The following PTCHD4 variants were observed in gnomAD, a reference collection of about 807,000 sequenced individuals.
PTCHD4 encodes patched domain-containing protein 4.
In PTCHD4, 33 loss-of-function variants were observed where a neutral mutation model predicts 58.1. The observed-to-expected ratio is 0.57, with a 90% CI of 0.43 to 0.76. PTCHD4 has a LOEUF of 0.76. Ranked by LOEUF, PTCHD4 falls within the 30% of genes least tolerant of loss-of-function variation. PTCHD4 has a pLI of 0.00. For synonymous variants in PTCHD4, 478 were observed against 409.6 expected, an observed-to-expected ratio of 1.17 and a Z score of -2.02; for missense variants, 1,058 against 1,027.1, an observed-to-expected ratio of 1.03 and a Z score of -0.41.
At chr6:47,968,655 A>C (rs1199995486) in intron 4 of PTCHD4, among the ~76,000 whole-genome samples, 2 of 152,182 alleles carry the variant, frequency 1.3e-5, no homozygotes, top group Non-Finnish European at 2.9e-5. Context: ...CCTTTCAAAT[A>C]GTTTGAAAAC....
chr6:47,910,728 G>A (rs1455948503), intron 4 of PTCHD4, among the ~76,000 whole-genome samples: 1 of 150,746 alleles, frequency 6.6e-6, no homozygotes, highest in Non-Finnish European at 1.5e-5. Context: ...CAAGAGACGT[G>A]TAGTCTCTTC....
chr6:47,919,301 C>T (rs539258277), intron 4 of PTCHD4, among the ~76,000 whole-genome samples: 11 of 151,994 alleles, frequency 7.2e-5, no homozygotes, highest in Admixed American at 3.3e-4. Flanking sequence ...ATACCAGATC[C>T]CTGCTCTTAA....
intron 4 of PTCHD4, among the ~76,000 whole-genome samples, chr6:47,985,149 A>C (rs1412691174): frequency 6.6e-6 from 1 of 152,178 alleles, no homozygotes; most frequent in Non-Finnish European, 1.5e-5. Flanking sequence ...CTAACTTCTT[A>C]CTGACTCCTG....
Position 47,877,914 on chromosome 6 carries a change from T to C in PTCHD4, c.*389A>G, listed in dbSNP as rs1169471187. The C allele has an allele frequency of 6.1e-6, 1 of 163,002 alleles. No individual in the cohort carries two copies. 10.1% of individuals were successfully genotyped at this position (163,002 alleles called of 1,614,324 possible). On this transcript the variant is annotated 3_prime_UTR_variant, in exon 5 of 5. Coordinates refer to ENST00000339488, the MANE Select transcript of PTCHD4 (RefSeq NM_001384253.1). ...CAAAAAACAAGCATGAAAAGTGCCA[T>C]GGCACATTTCCCATGTCTTTCCCCC...
chr6:47,903,143 A>G (rs1764766187), intron 4 of PTCHD4, among the ~76,000 whole-genome samples: 1 of 152,206 alleles, frequency 6.6e-6, no homozygotes, highest in African/African-American at 2.4e-5. Context: ...TCTTAATTTG[A>G]GCACAAAGAT....
chr6:48,075,148 G>T (rs937540537), intron 1 of PTCHD4, among the ~76,000 whole-genome samples: 5 of 152,080 alleles, frequency 3.3e-5, no homozygotes, highest in Non-Finnish European at 7.4e-5. Flanking sequence ...ATTAATTGAT[G>T]ACCTAAAATT....
At chr6:47,961,444 A>T (rs2113968673) in intron 4 of PTCHD4, among the ~76,000 whole-genome samples, 1 of 151,928 alleles carries the variant, frequency 6.6e-6, no homozygotes, top group African/African-American at 2.4e-5. Flanking sequence ...GGTGCCCACT[A>T]CCCATGCCTG....
intron 4 of PTCHD4, among the ~76,000 whole-genome samples, chr6:47,974,114 T>C (rs1767609921): frequency 6.6e-6 from 1 of 152,098 alleles, no homozygotes; most frequent in African/African-American, 2.4e-5. Context: ...CGGGAATGAG[T>C]ACAAATAATG....
chr6:47,939,908 G>A (rs1041550162), intron 4 of PTCHD4, among the ~76,000 whole-genome samples: 2 of 151,908 alleles, frequency 1.3e-5, no homozygotes, highest in Non-Finnish European at 2.9e-5. Flanking sequence ...TTTACCTCTG[G>A]TTTGATGCTG....
intron 4 of PTCHD4, among the ~76,000 whole-genome samples, chr6:48,000,536 T>A (rs1333430721): frequency 6.6e-6 from 1 of 152,118 alleles, no homozygotes; most frequent in African/African-American, 2.4e-5. Context: ...TTTAATTCAG[T>A]CTCCAGTTTT....
intron 1 of PTCHD4, among the ~76,000 whole-genome samples, chr6:48,078,597 T>C (rs1290556300): frequency 1.3e-5 from 2 of 152,346 alleles, no homozygotes; most frequent in Non-Finnish European, 1.5e-5. Context: ...TTAAATCCAA[T>C]AGTAATATAA....
Position 48,014,802 on chromosome 6 carries a change from AGCTCAG to A in PTCHD4, c.418-5694_418-5689del, listed in dbSNP as rs542940585. 1.3e-3 allele frequency among the ~76,000 whole-genome samples: 198 copies of A among 152,226 alleles called. 3 individuals carry two copies. The South Asian group carries it at 0.039, about 30-fold the overall frequency. On this transcript the variant is annotated intron_variant, in intron 3 of 4. Coordinates refer to ENST00000339488, the MANE Select transcript of PTCHD4 (RefSeq NM_001384253.1). ...TGTTTAATAGATGAGCAAACCTAGA[AGCTCAG>A]AGAAGTTAAACCTACTAAAGGGATG...
At chr6:47,919,054 A>G (rs1765348809) in intron 4 of PTCHD4, among the ~76,000 whole-genome samples, 1 of 152,138 alleles carries the variant, frequency 6.6e-6, no homozygotes, top group African/African-American at 2.4e-5. Context: ...CTCTGTGAAG[A>G]CAGTATAACA....
rs181327048 is a variant in PTCHD4, at chr6:47,912,025, T to C, written c.899-32089A>G. On this transcript the variant is annotated intron_variant, in intron 4 of 4. Coordinates refer to ENST00000339488, the MANE Select transcript of PTCHD4 (RefSeq NM_001384253.1). The stretch of plus-strand genomic sequence containing the variant: ...GCAACAAGGAGTCAAGTGACACAAG[T>C]GTTTCAAGTGGAGGGCATGATCAAT... Among the ~76,000 whole-genome samples, 377 of 152,134 alleles carry C rather than the reference T, an allele frequency of 2.5e-3. 3 individuals are homozygous for C. The highest frequency in any genetic ancestry group is 8.2e-3 in the African/African-American group (339 of 41,536).
intron 3 of PTCHD4, among the ~76,000 whole-genome samples, chr6:48,065,681 G>A (rs888611469): frequency 1.3e-5 from 2 of 152,122 alleles, no homozygotes; most frequent in Non-Finnish European, 2.9e-5. Context: ...ATTCCATTAT[G>A]TATTGCATGA....
chr6:47,968,443 A>C (rs1265229768), intron 4 of PTCHD4, among the ~76,000 whole-genome samples: 1 of 152,086 alleles, frequency 6.6e-6, no homozygotes, highest in Non-Finnish European at 1.5e-5. Context: ...TGAAATGAAC[A>C]CGTGCTTTTG....
intron 1 of PTCHD4, among the ~76,000 whole-genome samples, chr6:48,097,195 A>T (rs1765490616): frequency 6.6e-6 from 1 of 152,148 alleles, no homozygotes; most frequent in African/African-American, 2.4e-5. Flanking sequence ...AAAGACAAGC[A>T]TAATTTAAAA....
intron 3 of PTCHD4, among the ~76,000 whole-genome samples, chr6:48,024,089 C>T (rs1452214654): frequency 6.6e-6 from 1 of 152,110 alleles, no homozygotes; most frequent in African/African-American, 2.4e-5. Context: ...AGCTCATAAG[C>T]TTTATTATAA....
intron 4 of PTCHD4, among the ~76,000 whole-genome samples, chr6:47,970,872 T>C (rs1259655413): frequency 6.6e-6 from 1 of 152,192 alleles, no homozygotes; most frequent in Non-Finnish European, 1.5e-5. Flanking sequence ...AACATCCAAG[T>C]GTGGGGCCTA....
Sources: gnomAD v4.1 joint callset for allele counts (sites outside exome capture counted in the v4.1 genomes callset) on GRCh38, gnomAD v4.1.1 for gene constraint, MANE v1.5 for transcripts, NCBI Gene and HGNC (gene_info 2026-07-23, HGNC 2026-07-21) for gene names.